Variants in WDR4 observed in about 807,000 individuals in gnomAD.
The protein encoded by WDR4 is tRNA (guanine-N(7)-)-methyltransferase non-catalytic subunit WDR4.
WDR4 carries 47 observed loss-of-function variants against 48.6 expected under a neutral mutation model. The observed-to-expected ratio is 0.97, with a 90% confidence interval of 0.77 to 1.23. WDR4 has a LOEUF of 1.23. Ranked by LOEUF, WDR4 falls within the 50% of genes most tolerant of loss-of-function variation. The probability of loss-of-function intolerance (pLI) is 0.00; values close to 1 mark genes in which losing one functional copy is unlikely to be tolerated. For missense variants in WDR4, 606 were observed against 551.6 expected (o/e 1.10, Z -0.99); for synonymous variants, 268 against 230.0 (o/e 1.17, Z -1.49).
At chr21:42,889,183 A>G in the WDR4 span, among the ~76,000 whole-genome samples, 1 of 151,616 alleles carries the variant, frequency 6.6e-6, no homozygotes, top group Non-Finnish European at 1.5e-5. Context: ...GGGTTTCACC[A>G]TGTTGGCCAG....
chr21:42,880,130 CAA>C (rs796783962), upstream of WDR4, among the ~76,000 whole-genome samples: 6 of 136,880 alleles, frequency 4.4e-5, no homozygotes, highest in East Asian at 2.1e-4. Context: ...GACTCTCTCT[CAA>C]AAAAAAAAAA....
At chr21:42,887,938 CAAAA>C in the WDR4 span, among the ~76,000 whole-genome samples, 1 of 151,492 alleles carries the variant, frequency 6.6e-6, no homozygotes, top group East Asian at 1.9e-4. Flanking sequence ...AAAACAAAAA[CAAAA>C]ACAAAAAAAG....
At chr21:42,887,492 G>A in the WDR4 span, among the ~76,000 whole-genome samples, 11,531 of 152,038 alleles carry the variant, frequency 0.076, 509 homozygotes, top group East Asian at 0.15. Flanking sequence ...AACTGCTCAC[G>A]AGGAAATGTC....
chr21:42,855,897 C>T (rs1008610121), intron 6 of WDR4, 117 bp from the exon 7 acceptor site: 2 of 678,428 alleles, frequency 2.9e-6, no homozygotes, highest in Non-Finnish European at 4.6e-6. Context: ...ATGCCACCCA[C>T]CCTCAGGAAT....
At position 42,879,438 on chromosome 21, in the gene WDR4, T is replaced by C; in HGVS notation, c.58A>G (p.Ser20Gly). The change falls in exon 1 of 11, where the codon AGC (serine) becomes GGC (glycine). Residue 20 changes from serine (S) to glycine (G), a missense_variant. Physicochemically the swap from Ser to Gly is moderately conservative, Grantham distance 56 (BLOSUM62 0). Coordinates refer to ENST00000398208, the MANE Select transcript of WDR4 (RefSeq NM_018669.6). ...GCTATGGAGGTGGCCAGGAATCGGC[T>C]GCCGCCCCGCACCACCAACGTCTGC... ...CGQTLVVRGG[S>G]RFLATSIASS... The C allele has an allele frequency of 6.2e-7, 1 of 1,613,814 alleles. No homozygotes were observed. Among genetic ancestry groups the C allele is most frequent in the East Asian group, 2.2e-5 (1 of 44,858 alleles).
chr21:42,885,698 G>A, the WDR4 span, among the ~76,000 whole-genome samples: 1 of 152,146 alleles, frequency 6.6e-6, no homozygotes, highest in East Asian at 1.9e-4. Context: ...GTAATTGAAT[G>A]TATTTTATAT....
intron 1 of WDR4, chr21:42,878,947 T>C (rs2058564022): frequency 1.0e-6 from 1 of 989,506 alleles, no homozygotes; most frequent in Non-Finnish European, 1.2e-6. Flanking sequence ...GGGAGCGCGC[T>C]TGGAGGTCAG....
At chr21:42,854,668 G>A in intron 7 of WDR4, 42 bp from the exon 8 acceptor site, 1 of 1,598,580 alleles carries the variant, frequency 6.3e-7, no homozygotes, top group Non-Finnish European at 8.5e-7. Context: ...CCACCTGCAG[G>A]GGCCCGACGC....
At chr21:42,885,536 G>A in the WDR4 span, among the ~76,000 whole-genome samples, 1 of 151,990 alleles carries the variant, frequency 6.6e-6, no homozygotes, top group Non-Finnish European at 1.5e-5. Context: ...CTGAACCCAG[G>A]AGGCAGAGGT....
chr21:42,863,728 G>A (rs2146052493), intron 3 of WDR4, 132 bp from the exon 4 acceptor site: 3 of 1,043,766 alleles, frequency 2.9e-6, no homozygotes, highest in Non-Finnish European at 2.8e-6. Flanking sequence ...TGCTGAAGGT[G>A]GTGCCAAAAA....
intron 2 of WDR4, among the ~76,000 whole-genome samples, chr21:42,875,047 T>G (rs1223416752): frequency 5.9e-5 from 9 of 152,174 alleles, no homozygotes; most frequent in Non-Finnish European, 1.5e-5. Context: ...AATTTCTCTC[T>G]TTTGTACTCT....
intron 2 of WDR4, 131 bp from the exon 3 acceptor site, chr21:42,873,822 C>T: frequency 9.5e-7 from 1 of 1,048,144 alleles, no homozygotes; most frequent in East Asian, 2.6e-5. Flanking sequence ...AGCCAAAATA[C>T]AGACATATTA....
chr21:42,864,107 CAAAAAAAAA>C (rs776906461), intron 3 of WDR4, among the ~76,000 whole-genome samples: 15 of 50,560 alleles, frequency 3.0e-4, no homozygotes, highest in Non-Finnish European at 3.2e-4. Flanking sequence ...GACTCCGTCT[CAAAAAAAAA>C]AAAAAAAAAA....
the WDR4 span, among the ~76,000 whole-genome samples, chr21:42,892,424 CT>C: frequency 6.6e-6 from 1 of 151,960 alleles, no homozygotes; most frequent in East Asian, 1.9e-4. Flanking sequence ...GCAGACTCCT[CT>C]TTGATAAAGG....
At chr21:42,883,098 C>CAAAAAAA (rs35978225), upstream of WDR4, among the ~76,000 whole-genome samples, 1 of 87,306 alleles carries the variant, frequency 1.1e-5, no homozygotes, top group Non-Finnish European at 2.1e-5. Context: ...GACTCCGTCT[C>CAAAAAAA]AAAAAAAAAA....
chr21:42,879,345 C>A, intron 1 of WDR4, 62 bp downstream of exon 1: 1 of 1,586,696 alleles, frequency 6.3e-7, no homozygotes, highest in South Asian at 1.1e-5. Context: ...GAAGCGGGGT[C>A]GCCAGGACCC....
At chr21:42,861,039 C>T (rs1260861987) in intron 5 of WDR4, among the ~76,000 whole-genome samples, 1 of 152,104 alleles carries the variant, frequency 6.6e-6, no homozygotes, top group Non-Finnish European at 1.5e-5. Flanking sequence ...AGGCCGGGCA[C>T]GGTGGCTCAC....
At chr21:42,856,968 G>C (rs1025447042) in intron 6 of WDR4, among the ~76,000 whole-genome samples, 27 of 152,148 alleles carry the variant, frequency 1.8e-4, no homozygotes, top group Admixed American at 1.6e-3. Flanking sequence ...GCCGCGGAGA[G>C]ACAGCAAGGA....
chr21:42,856,048 G>C (rs547137741), intron 6 of WDR4, among the ~76,000 whole-genome samples: 4 of 152,352 alleles, frequency 2.6e-5, no homozygotes, highest in Middle Eastern at 3.4e-3. Context: ...GCAGATCCTA[G>C]CAAAATAAGC....
Sources: allele counts gnomAD v4.1 joint callset (sites outside exome capture counted in the v4.1 genomes callset), GRCh38; gene constraint gnomAD v4.1.1; transcripts MANE v1.5; gene names NCBI Gene and HGNC (gene_info 2026-07-23, HGNC 2026-07-21).